The following GNAO1 variants were observed in gnomAD, a reference collection of about 807,000 sequenced individuals.
GNAO1 encodes guanine nucleotide-binding protein G(o) subunit alpha.
For synonymous variants in GNAO1, 164 were observed against 180.7 expected (o/e 0.91, Z 0.74); for missense variants, 166 against 478.7 (o/e 0.35, Z 6.10).
chr16:56,195,983 T>G (rs2036228903), intron 2 of GNAO1, among the ~76,000 whole-genome samples: 1 of 152,174 alleles, frequency 6.6e-6, no homozygotes, highest in African/African-American at 2.4e-5. Context: ...CCTAGGAACA[T>G]TGCAGAGATA....
At chr16:56,294,322 A>T (rs2037262591) in intron 3 of GNAO1, among the ~76,000 whole-genome samples, 1 of 146,164 alleles carries the variant, frequency 6.8e-6, no homozygotes, top group African/African-American at 2.6e-5. Context: ...TGCTCCAACC[A>T]CAGCAGAAGG....
rs1380348729 is a variant in GNAO1 at position 56,192,267 on chromosome 16, C to T, written c.32C>T (p.Ala11Val). Reference sequence around the variant, plus strand: ...TGTACTCTGAGCGCAGAGGAGAGAGCCGCCCTCGAGCGGAGCAAGGCGATT... The same window carrying T: ...TGTACTCTGAGCGCAGAGGAGAGAGTCGCCCTCGAGCGGAGCAAGGCGATT... MGCTLSAEER[A>V]ALERSKAIEK... is the part of the protein sequence containing the mutation. Residue 11 changes from alanine (A) to valine (V), a missense_variant, in exon 1 of 9, where the codon GCC (alanine) becomes GTC (valine). By Grantham distance (64) the Ala-to-Val change is moderately conservative (BLOSUM62 0). Transcript: ENST00000262493. 1.2e-6 allele frequency: 2 copies of T among 1,606,364 alleles called. No individual in the cohort carries two copies. The highest frequency in any genetic ancestry group is 1.7e-6 in the Non-Finnish European group (2 of 1,175,424).
At chr16:56,200,249 G>A (rs932002159) in intron 2 of GNAO1, among the ~76,000 whole-genome samples, 5 of 152,200 alleles carry the variant, frequency 3.3e-5, no homozygotes, top group Non-Finnish European at 7.3e-5. Flanking sequence ...GCTCCCTGAA[G>A]CAAGGATGTT....
chr16:56,335,362 CTAGAA>C (rs1596871875), intron 5 of GNAO1, among the ~76,000 whole-genome samples: 3 of 152,226 alleles, frequency 2.0e-5, no homozygotes, highest in South Asian at 2.1e-4. Context: ...CAGAGCACAG[CTAGAA>C]CCCAGGGGCT....
intron 3 of GNAO1, among the ~76,000 whole-genome samples, chr16:56,278,219 C>T (rs1206808878): frequency 6.6e-6 from 1 of 152,194 alleles, no homozygotes; most frequent in Non-Finnish European, 1.5e-5. Context: ...CTGGAGAGTC[C>T]ACTGGACACA....
chr16:56,305,590 CAG>C (rs1304737502), intron 3 of GNAO1, among the ~76,000 whole-genome samples: 1 of 152,092 alleles, frequency 6.6e-6, no homozygotes, highest in Non-Finnish European at 1.5e-5. Flanking sequence ...GGGTGAGGCT[CAG>C]GGGAGGAACG....
chr16:56,341,589 G>GC (rs1422583613), intron 6 of GNAO1, among the ~76,000 whole-genome samples: 4 of 152,198 alleles, frequency 2.6e-5, no homozygotes, highest in Non-Finnish European at 5.9e-5. Context: ...CGGGGCTGCT[G>GC]CAAGACTCAA....
chr16:56,353,059 G>C (rs2037938982), intron 7 of GNAO1: 1 of 152,532 alleles, frequency 6.6e-6, no homozygotes. Context: ...TGGAAACTAG[G>C]GGAGGGGGAA....
At chr16:56,284,829 T>C (rs938219488) in intron 3 of GNAO1, among the ~76,000 whole-genome samples, 4 of 152,236 alleles carry the variant, frequency 2.6e-5, no homozygotes, top group Admixed American at 6.5e-5. Flanking sequence ...ATGCATGGCC[T>C]GAACAGATGT....
intron 4 of GNAO1, among the ~76,000 whole-genome samples, chr16:56,334,233 C>T (rs888482288): frequency 1.3e-5 from 2 of 152,192 alleles, no homozygotes. Context: ...GCTCAGGGGC[C>T]GCTGAAGCCC....
intron 2 of GNAO1, among the ~76,000 whole-genome samples, chr16:56,268,568 G>C (rs569296763): frequency 6.6e-6 from 1 of 152,306 alleles, no homozygotes; most frequent in Non-Finnish European, 1.5e-5. Context: ...GAAATGACTT[G>C]TTGTTCTTCC....
intron 3 of GNAO1, among the ~76,000 whole-genome samples, chr16:56,297,141 C>T (rs929422857): frequency 6.6e-6 from 1 of 152,184 alleles, no homozygotes; most frequent in African/African-American, 2.4e-5. Context: ...TCCCTGTACC[C>T]AGGGTGGGGT....
In GNAO1 at chr16:56,276,007, T is replaced by A; in HGVS notation, c.238T>A (p.Ser80Thr). 6.2e-7 allele frequency: 1 copy of A among 1,613,972 alleles called. No homozygotes were observed. The highest frequency in any genetic ancestry group is 8.5e-7 in the Non-Finnish European group (1 of 1,179,934). The change falls in exon 3 of 9, where the codon TCC (serine) becomes ACC (threonine). Residue 80 changes from serine to threonine, a missense_variant. Coordinates refer to ENST00000262493, the MANE Select transcript of GNAO1 (RefSeq NM_020988.3). ...TGTTGTCTACAGCAACACTATCCAG[T>A]CCCTGGCAGCCATCGTCCGGGCCAT... is the stretch of plus-strand genomic sequence containing the variant. ...KPVVYSNTIQ[S>T]LAAIVRAMDT...
At chr16:56,294,364 G>A (rs1469415782) in intron 3 of GNAO1, among the ~76,000 whole-genome samples, 4 of 142,806 alleles carry the variant, frequency 2.8e-5, no homozygotes, top group Non-Finnish European at 6.1e-5. Context: ...AAAAAAAAGT[G>A]GACTGGGTGT....
At chr16:56,209,942 G>A (rs548084524) in intron 2 of GNAO1, among the ~76,000 whole-genome samples, 1 of 152,052 alleles carries the variant, frequency 6.6e-6, no homozygotes, top group Non-Finnish European at 1.5e-5. Context: ...ACTCTTGGTG[G>A]TGTACATTCT....
intron 4 of GNAO1, among the ~76,000 whole-genome samples, chr16:56,331,319 G>T (rs1251069757): frequency 6.6e-6 from 1 of 152,174 alleles, no homozygotes; most frequent in Non-Finnish European, 1.5e-5. Flanking sequence ...CCAACCAGGG[G>T]CTGTGAAAGG....
At chr16:56,346,422 C>T (rs2037870378) in intron 6 of GNAO1, 1 of 985,286 alleles carries the variant, frequency 1.0e-6, no homozygotes, top group Admixed American at 6.1e-5. Context: ...AAACTGATTT[C>T]TACGAAGAGC....
intron 2 of GNAO1, chr16:56,235,248 A>C (rs1409357958): frequency 6.7e-6 from 3 of 448,756 alleles, no homozygotes; most frequent in African/African-American, 6.0e-5. Context: ...CTCTGATTGC[A>C]GGTGGCTCAA....
intron 2 of GNAO1, among the ~76,000 whole-genome samples, chr16:56,216,183 G>A (rs2036435571): frequency 6.6e-6 from 1 of 152,220 alleles, no homozygotes; most frequent in Admixed American, 6.5e-5. Context: ...AGGTGACACA[G>A]CTATAAAAAT....
Sources: gnomAD v4.1 joint callset for allele counts (sites outside exome capture counted in the v4.1 genomes callset) on GRCh38, gnomAD v4.1.1 for gene constraint, MANE v1.5 for transcripts, NCBI Gene and HGNC (gene_info 2026-07-23, HGNC 2026-07-21) for gene names.